The following DLGAP1 variants were observed in gnomAD, a reference collection of about 807,000 sequenced individuals.
DLGAP1 encodes the protein DLG associated protein 1.
DLGAP1 carries 11 observed loss-of-function variants against 90.8 expected under a neutral mutation model. The observed-to-expected ratio is 0.12, with a 90% CI of 0.08 to 0.20. The LOEUF (loss-of-function observed/expected upper bound fraction) is 0.20. DLGAP1 is among the 10% of genes least tolerant of loss of function. DLGAP1 has a pLI of 1.00. For synonymous variants in DLGAP1, 558 were observed against 540.7 expected (o/e 1.03, Z -0.44); for missense variants, 1,050 against 1,333.8 (o/e 0.79, Z 3.31).
intron 7 of DLGAP1, among the ~76,000 whole-genome samples, chr18:3,595,154 C>T (rs1392773473): frequency 1.3e-5 from 2 of 152,220 alleles, no homozygotes; most frequent in African/African-American, 2.4e-5. Flanking sequence ...GCTCCAGCCA[C>T]GCAGGAGGAG....
At chr18:4,269,044 T>C (rs2079195884) in intron 1 of DLGAP1, among the ~76,000 whole-genome samples, 1 of 152,016 alleles carries the variant, frequency 6.6e-6, no homozygotes, top group South Asian at 2.1e-4. Flanking sequence ...TGATGGATTA[T>C]TAAAAATTGG....
At chr18:4,113,959 C>T (rs1316966108) in intron 2 of DLGAP1, among the ~76,000 whole-genome samples, 1 of 151,700 alleles carries the variant, frequency 6.6e-6, no homozygotes, top group Non-Finnish European at 1.5e-5. Flanking sequence ...TATTCTGTTC[C>T]ATTGGTCTAT....
intron 1 of DLGAP1, among the ~76,000 whole-genome samples, chr18:4,305,538 A>C (rs1370888922): frequency 7.3e-5 from 11 of 151,118 alleles, no homozygotes; most frequent in African/African-American, 2.7e-4. Flanking sequence ...CCGTCTCAAA[A>C]AAAAAAAAAA....
chr18:4,285,139 A>G (rs2079655945), intron 1 of DLGAP1, among the ~76,000 whole-genome samples: 1 of 152,210 alleles, frequency 6.6e-6, no homozygotes, highest in Non-Finnish European at 1.5e-5. Context: ...TCATTTGGAT[A>G]TCAGGGACCC....
chr18:4,261,504 C>T (rs1181207610), intron 1 of DLGAP1, among the ~76,000 whole-genome samples: 2 of 152,106 alleles, frequency 1.3e-5, no homozygotes, highest in Non-Finnish European at 2.9e-5. Flanking sequence ...TGGGATAAAT[C>T]ATCCTCATGT....
rs759734539 is a variant in DLGAP1 at position 3,818,730 on chromosome 18, G to A, written c.958-4457C>T. On this transcript the variant is annotated intron_variant, in intron 4 of 12. Coordinates refer to ENST00000315677, the MANE Select transcript of DLGAP1 (RefSeq NM_004746.4). ...GATTCTCCTGCCTCCCTAGTAGATGGGACTACAGATGCCCGCCACCATGCC... is the reference window on the plus strand; with the variant it reads ...GATTCTCCTGCCTCCCTAGTAGATGAGACTACAGATGCCCGCCACCATGCC... Among the ~76,000 whole-genome samples the A allele has an allele frequency of 1.9e-4, 29 of 151,528 alleles. 1 individual carries two copies. Among genetic ancestry groups the A allele is most frequent in the Middle Eastern group, 6.8e-3 (2 of 294 alleles).
chr18:4,103,301 T>C (rs536833503), intron 2 of DLGAP1, among the ~76,000 whole-genome samples: 1 of 152,328 alleles, frequency 6.6e-6, no homozygotes, highest in African/African-American at 2.4e-5. Context: ...GCTTGGTGTA[T>C]TTTTCTGTGT....
At chr18:3,624,031 G>A (rs1299500270) in intron 7 of DLGAP1, among the ~76,000 whole-genome samples, 1 of 152,090 alleles carries the variant, frequency 6.6e-6, no homozygotes, top group Non-Finnish European at 1.5e-5. Flanking sequence ...CTCCAGCAGC[G>A]GAAGTAAGGC....
At chr18:4,115,756 G>A (rs1003077432) in intron 2 of DLGAP1, among the ~76,000 whole-genome samples, 5 of 152,126 alleles carry the variant, frequency 3.3e-5, no homozygotes, top group South Asian at 2.1e-4. Context: ...AAGCCACCGC[G>A]CCCAGCCCAT....
At chr18:3,781,827 A>T (rs1232299713) in intron 5 of DLGAP1, among the ~76,000 whole-genome samples, 4 of 152,252 alleles carry the variant, frequency 2.6e-5, no homozygotes, top group African/African-American at 4.8e-5. Flanking sequence ...TTTTAAAAAC[A>T]TATTGCTGTT....
intron 3 of DLGAP1, among the ~76,000 whole-genome samples, chr18:3,917,848 A>C (rs1599157398): frequency 1.0e-5 from 1 of 96,804 alleles, no homozygotes; most frequent in South Asian, 4.7e-4. Flanking sequence ...AAAAGGAAAA[A>C]TTTCAGAAAA....
At chr18:3,916,388 T>G (rs2072145082) in intron 3 of DLGAP1, among the ~76,000 whole-genome samples, 1 of 152,200 alleles carries the variant, frequency 6.6e-6, no homozygotes, top group Non-Finnish European at 1.5e-5. Context: ...GGGAAAGGTC[T>G]GCTGGCCTCA....
At chr18:4,184,518 T>C (rs867997293) in intron 1 of DLGAP1, among the ~76,000 whole-genome samples, 1 of 152,070 alleles carries the variant, frequency 6.6e-6, no homozygotes, top group South Asian at 2.1e-4. Flanking sequence ...ATTTTAAATC[T>C]ATTCAATAAA....
intron 4 of DLGAP1, among the ~76,000 whole-genome samples, chr18:3,858,175 A>G (rs2069768297): frequency 6.6e-6 from 1 of 152,156 alleles, no homozygotes; most frequent in Non-Finnish European, 1.5e-5. Flanking sequence ...GGAAGTATTG[A>G]CAGGCACCCA....
rs542413870 is a variant in DLGAP1 at position 4,070,970 on chromosome 18, C to A, written c.-158-65769G>T. ...AAAAGCTGGTGCTGTCTTAAGGCAA[C>A]CTTTATTTTCATCTCTACTCAACTG... is the stretch of plus-strand genomic sequence containing the variant. On this transcript the variant is annotated intron_variant, in intron 2 of 12. Coordinates refer to ENST00000315677, the MANE Select transcript of DLGAP1 (RefSeq NM_004746.4). 1.4e-3 allele frequency among the ~76,000 whole-genome samples: 219 copies of A among 152,228 alleles called. 1 individual carries two copies. Among genetic ancestry groups the A allele is most frequent in the African/African-American group, 4.9e-3 (205 of 41,544 alleles).
chr18:3,672,315 C>T (rs9950574), intron 7 of DLGAP1, among the ~76,000 whole-genome samples: 37,398 of 151,208 alleles, frequency 0.25, 5,063 homozygotes, highest in African/African-American at 0.34. Flanking sequence ...CGGTGGTTCA[C>T]GCCTGCAATC....
intron 1 of DLGAP1, among the ~76,000 whole-genome samples, chr18:4,324,758 A>G (rs2080777427): frequency 2.4e-5 from 1 of 41,876 alleles, no homozygotes; most frequent in South Asian, 5.5e-4. Context: ...ACAACTAAAA[A>G]CAAAAACCAC....
chr18:4,403,322 T>C (rs897833886), intron 1 of DLGAP1, among the ~76,000 whole-genome samples: 3 of 152,198 alleles, frequency 2.0e-5, no homozygotes, highest in Non-Finnish European at 4.4e-5. Context: ...AATATATAGG[T>C]TGAATTTTTA....
At chr18:3,619,424 G>A (rs1369876714) in intron 7 of DLGAP1, among the ~76,000 whole-genome samples, 1 of 152,210 alleles carries the variant, frequency 6.6e-6, no homozygotes, top group Non-Finnish European at 1.5e-5. Context: ...TGCAAGTCTA[G>A]TGGGGTCACT....
Sources: allele counts gnomAD v4.1 joint callset (sites outside exome capture counted in the v4.1 genomes callset), GRCh38; gene constraint gnomAD v4.1.1; transcripts MANE v1.5; gene names NCBI Gene and HGNC (gene_info 2026-07-23, HGNC 2026-07-21).